TMEM135: variants seen among roughly 807,000 people sequenced by gnomAD.
TMEM135 encodes peroxisomal membrane protein 52.
A neutral mutation model predicts 60.3 loss-of-function variants in TMEM135; 30 were observed. That is an observed-to-expected ratio of 0.50 (90% CI 0.37 to 0.68). TMEM135 has a LOEUF of 0.68. TMEM135 is among the 30% of genes least tolerant of loss of function. TMEM135 has a pLI of 0.00. For missense variants in TMEM135, 468 were observed against 548.8 expected (o/e 0.85, Z 1.47); for synonymous variants, 190 against 186.7 (o/e 1.02, Z -0.14).
intron 5 of TMEM135, among the ~76,000 whole-genome samples, chr11:87,232,202 T>A (rs1272397403): frequency 1.3e-5 from 2 of 152,110 alleles, no homozygotes; most frequent in African/African-American, 4.8e-5. Flanking sequence ...CTGACAACCT[T>A]GGCCTCCCAA....
At chr11:87,198,333 TG>T (rs1422870079) in intron 5 of TMEM135, among the ~76,000 whole-genome samples, 4 of 152,224 alleles carry the variant, frequency 2.6e-5, no homozygotes, top group Non-Finnish European at 5.9e-5. Flanking sequence ...TGGAGGGTTT[TG>T]GTATTCCAAG....
intron 6 of TMEM135, among the ~76,000 whole-genome samples, chr11:87,257,273 C>T (rs188517137): frequency 1.8e-4 from 28 of 152,288 alleles, no homozygotes; most frequent in African/African-American, 6.5e-4. Flanking sequence ...TGCTTTACTG[C>T]TTGTGAGGTG....
chr11:87,321,606 A>G lies in TMEM135; in HGVS notation c.*273A>G, dbSNP rs1436721259. Reference sequence around the variant, plus strand: ...ATTGATCAAATTATGTCCACAAGCAATATTATATAATCTACGTAGAAGTGT... The same window carrying G: ...ATTGATCAAATTATGTCCACAAGCAGTATTATATAATCTACGTAGAAGTGT... On this transcript the variant is annotated 3_prime_UTR_variant, in exon 15 of 15. Transcript: ENST00000305494. The G allele has an allele frequency of 6.8e-6, 4 of 586,276 alleles. No individual in the cohort carries two copies. The highest frequency in any genetic ancestry group is 4.3e-5 in the Admixed American group (2 of 46,622). 36.3% of individuals were successfully genotyped at this position (586,276 alleles called of 1,614,324 possible).
intron 10 of TMEM135, among the ~76,000 whole-genome samples, chr11:87,311,111 A>G (rs1342668636): frequency 2.1e-5 from 3 of 146,322 alleles, no homozygotes; most frequent in Non-Finnish European, 4.4e-5. Flanking sequence ...ATATGTCTAT[A>G]TATATATATA....
chr11:87,106,262 C>T (rs1857594002), intron 4 of TMEM135, among the ~76,000 whole-genome samples: 1 of 151,970 alleles, frequency 6.6e-6, no homozygotes, highest in South Asian at 2.1e-4. Flanking sequence ...TGCCACAACG[C>T]CTGACTACTT....
chr11:87,120,643 T>G (rs1858031345), intron 4 of TMEM135, among the ~76,000 whole-genome samples: 1 of 151,916 alleles, frequency 6.6e-6, no homozygotes, highest in East Asian at 1.9e-4. Context: ...AATTTTTGTA[T>G]TTTTGGTAGA....
chr11:87,225,835 T>C (rs2135361393), intron 5 of TMEM135, among the ~76,000 whole-genome samples: 1 of 152,288 alleles, frequency 6.6e-6, no homozygotes, highest in Middle Eastern at 3.4e-3. Flanking sequence ...CCCTAACTTT[T>C]GAGTCCAATT....
intron 5 of TMEM135, among the ~76,000 whole-genome samples, chr11:87,212,502 A>G (rs1302403352): frequency 6.6e-6 from 1 of 152,176 alleles, no homozygotes; most frequent in Non-Finnish European, 1.5e-5. Flanking sequence ...GCAGTGCCTG[A>G]GAAGAGAGAT....
chr11:87,089,432 A>C (rs985450342), intron 3 of TMEM135, among the ~76,000 whole-genome samples: 4 of 152,212 alleles, frequency 2.6e-5, no homozygotes, highest in Non-Finnish European at 5.9e-5. Context: ...AGTTTCAGCT[A>C]TTTGGGAAAC....
chr11:87,114,415 A>G (rs1026597362), intron 4 of TMEM135, among the ~76,000 whole-genome samples: 1 of 152,178 alleles, frequency 6.6e-6, no homozygotes, highest in Admixed American at 6.5e-5. Flanking sequence ...TTTTCCAACA[A>G]TGAGAAAAGA....
intron 14 of TMEM135, 130 bp downstream of exon 14, chr11:87,319,507 G>C (rs1237903141): frequency 8.6e-6 from 6 of 695,234 alleles, no homozygotes; most frequent in Non-Finnish European, 1.5e-5. Flanking sequence ...GAATAACATG[G>C]GGCGTTTTTT....
At chr11:87,224,651 C>T (rs562065875) in intron 5 of TMEM135, among the ~76,000 whole-genome samples, 1 of 152,194 alleles carries the variant, frequency 6.6e-6, no homozygotes, top group African/African-American at 2.4e-5. Context: ...ACATAGATGA[C>T]CTGTCTACTT....
intron 6 of TMEM135, among the ~76,000 whole-genome samples, chr11:87,265,454 G>A (rs1476433031): frequency 1.3e-5 from 2 of 151,976 alleles, no homozygotes; most frequent in South Asian, 2.1e-4. Context: ...TATAAATTGA[G>A]TCTATTACTC....
In TMEM135 at chr11:87,326,187, A is replaced by C. The variant is rs956954176; in HGVS notation, c.*4854A>C. 4.6e-5 allele frequency: 21 copies of C among 453,336 alleles called. No homozygotes were observed. The highest frequency in any genetic ancestry group is 4.2e-4 in the African/African-American group (21 of 49,758). The allele number at this position is 453,336 out of a possible 1,614,324, so 28.1% of individuals were successfully genotyped here. A position where few individuals can be genotyped will look rare whatever the true frequency, so the allele number is the denominator to read the frequency against. On this transcript the variant is annotated 3_prime_UTR_variant, in exon 15 of 15. Coordinates refer to ENST00000305494, the MANE Select transcript of TMEM135 (RefSeq NM_022918.4). ...ACATTCTAATCTTGTCAGACCGTGG[A>C]TAATAGGATGTTCCCTGGTCTTGGC...
At chr11:87,088,137 T>C (rs1315122278) in intron 3 of TMEM135, among the ~76,000 whole-genome samples, 1 of 152,096 alleles carries the variant, frequency 6.6e-6, no homozygotes, top group African/African-American at 2.4e-5. Context: ...CAAGATAACT[T>C]GGGGCTCCTG....
At chr11:87,144,045 A>G (rs1938338025) in intron 4 of TMEM135, among the ~76,000 whole-genome samples, 1 of 152,106 alleles carries the variant, frequency 6.6e-6, no homozygotes, top group African/African-American at 2.4e-5. Flanking sequence ...CCTTTACCTC[A>G]CCATTATTAG....
chr11:87,247,350 G>C (rs1941305734), intron 6 of TMEM135, among the ~76,000 whole-genome samples: 1 of 152,242 alleles, frequency 6.6e-6, no homozygotes, highest in Admixed American at 6.5e-5. Flanking sequence ...CAGATCTCCA[G>C]CTGTGTGCTG....
chr11:87,120,468 A>ATTTTTTT lies in TMEM135; in HGVS notation c.396+29076_396+29077insTTTTTTT, dbSNP rs1555106504. ...ATAATAAAATATAGCATGAGATGAA[A>ATTTTTTT]TTTCTTTTTTTTTTTTTTTTTGAGA... On this transcript the variant is annotated intron_variant, in intron 4 of 14. Transcript: ENST00000305494. 4.8e-4 allele frequency among the ~76,000 whole-genome samples: 37 copies of ATTTTTTT among 77,164 alleles called. 1 individual carries two copies. Among genetic ancestry groups the ATTTTTTT allele is most frequent in the South Asian group, 1.3e-3 (3 of 2,372 alleles). The allele number at this position is 77,164 out of a possible 152,430, so 50.6% of individuals were successfully genotyped here.
chr11:87,289,358 C>T (rs1227441437), intron 6 of TMEM135, among the ~76,000 whole-genome samples: 1 of 151,026 alleles, frequency 6.6e-6, no homozygotes, highest in Non-Finnish European at 1.5e-5. Flanking sequence ...TATAGTCATC[C>T]TACAGTGATA....
Sources: gnomAD v4.1 joint callset for allele counts (sites outside exome capture counted in the v4.1 genomes callset) on GRCh38, gnomAD v4.1.1 for gene constraint, MANE v1.5 for transcripts, NCBI Gene and HGNC (gene_info 2026-07-23, HGNC 2026-07-21) for gene names.